The following FAM184B variants were observed in gnomAD, a reference collection of about 807,000 sequenced individuals.
FAM184B encodes the protein protein FAM184B.
FAM184B carries 111 observed loss-of-function variants against 135.9 expected under a neutral mutation model. The observed-to-expected ratio is 0.82, with a 90% CI of 0.70 to 0.96. The LOEUF (loss-of-function observed/expected upper bound fraction) is 0.96, where lower values mean the gene tolerates loss of function less well. Among genes scored for constraint, FAM184B ranks in the 40% least tolerant of loss-of-function variants. The probability of loss-of-function intolerance (pLI) is 0.00; values close to 1 mark genes in which losing one functional copy is unlikely to be tolerated. For missense variants in FAM184B, 1,375 were observed against 1,323.9 expected (o/e 1.04, Z -0.60); for synonymous variants, 552 against 524.8 (o/e 1.05, Z -0.71).
intron 7 of FAM184B, among the ~76,000 whole-genome samples, chr4:17,678,329 G>A (rs139199811): frequency 0.022 from 3,305 of 152,148 alleles, 58 homozygotes; most frequent in Non-Finnish European, 0.033. Flanking sequence ...AAAGTTTCAG[G>A]ATACAAAATT....
intron 8 of FAM184B, 50 bp downstream of exon 8, chr4:17,664,512 C>A: frequency 7.4e-7 from 1 of 1,344,630 alleles, no homozygotes; most frequent in South Asian, 1.3e-5. Flanking sequence ...CCTTCCACAT[C>A]TGAGTCCTCA....
Position 17,675,567 on chromosome 4 carries a change from T to C in FAM184B, c.1597-10908A>G, listed in dbSNP as rs181348372. Among the ~76,000 whole-genome samples, 530 of 152,318 alleles carry C rather than the reference T, an allele frequency of 3.5e-3. 2 individuals are homozygous for C. Among genetic ancestry groups the C allele is most frequent in the African/African-American group, 0.012 (504 of 41,580 alleles). On this transcript the variant is annotated intron_variant, in intron 7 of 17. Transcript: ENST00000265018. ...GAGAGTCAGCCTGTCCTTTGAAGCG[T>C]TGGAGCCAGGCATTGACTTTTACTC...
intron 7 of FAM184B, among the ~76,000 whole-genome samples, chr4:17,685,085 A>G (rs557164918): frequency 6.6e-6 from 1 of 151,856 alleles, no homozygotes; most frequent in East Asian, 1.9e-4. Context: ...GAAAAGATCT[A>G]ATACATGCTG....
chr4:17,768,750 G>A (rs1041921860), intron 1 of FAM184B, among the ~76,000 whole-genome samples: 7 of 151,708 alleles, frequency 4.6e-5, no homozygotes, highest in Admixed American at 3.9e-4. Flanking sequence ...ACAAGATAAG[G>A]GATTTTATCT....
At chr4:17,705,305 T>A in intron 4 of FAM184B, 99 bp from the exon 5 acceptor site, 5 of 876,164 alleles carry the variant, frequency 5.7e-6, no homozygotes, top group Non-Finnish European at 8.7e-6. Flanking sequence ...GTTTATACAC[T>A]GTTTTTACAG....
intron 1 of FAM184B, among the ~76,000 whole-genome samples, chr4:17,749,850 GTTAAGATC>G (rs1718253749): frequency 2.0e-5 from 3 of 152,136 alleles, no homozygotes; most frequent in African/African-American, 7.2e-5. Context: ...TTATTTCATA[GTTAAGATC>G]GTGGTAAGTA....
intron 13 of FAM184B, among the ~76,000 whole-genome samples, chr4:17,641,075 A>G (rs911500975): frequency 2.0e-5 from 3 of 152,170 alleles, no homozygotes; most frequent in African/African-American, 7.2e-5. Context: ...CCGGGACTGC[A>G]GGCATGCACC....
At chr4:17,760,921 A>T (rs1449651119) in intron 1 of FAM184B, among the ~76,000 whole-genome samples, 3 of 152,190 alleles carry the variant, frequency 2.0e-5, no homozygotes, top group Admixed American at 2.0e-4. Context: ...GGTTGCTTCC[A>T]CCTTGAATGG....
At chr4:17,692,508 C>T (rs1322874256) in intron 6 of FAM184B, among the ~76,000 whole-genome samples, 5 of 152,240 alleles carry the variant, frequency 3.3e-5, no homozygotes, top group Admixed American at 1.3e-4. Flanking sequence ...CAGCTCCTTA[C>T]AGTCTCTCCC....
chr4:17,662,367 T>G (rs1715937862), intron 8 of FAM184B, among the ~76,000 whole-genome samples: 1 of 151,798 alleles, frequency 6.6e-6, no homozygotes, highest in Non-Finnish European at 1.5e-5. Context: ...AAATGGAGTC[T>G]TGTTCTGTCA....
At chr4:17,750,238 A>G (rs990593667) in intron 1 of FAM184B, among the ~76,000 whole-genome samples, 2 of 152,210 alleles carry the variant, frequency 1.3e-5, no homozygotes, top group African/African-American at 4.8e-5. Context: ...CTGCTTCACT[A>G]TACTCTCACC....
At chr4:17,750,948 C>T (rs760597497) in intron 1 of FAM184B, among the ~76,000 whole-genome samples, 14 of 152,016 alleles carry the variant, frequency 9.2e-5, no homozygotes, top group African/African-American at 1.9e-4. Flanking sequence ...AACTCAGTCC[C>T]GACCCATAGG....
chr4:17,665,417 C>T (rs1458814008), intron 7 of FAM184B, among the ~76,000 whole-genome samples: 5 of 152,100 alleles, frequency 3.3e-5, no homozygotes. Flanking sequence ...TTGTCATAAC[C>T]ACACTGTCCA....
chr4:17,734,419 T>G (rs1717859664), intron 1 of FAM184B, among the ~76,000 whole-genome samples: 1 of 152,032 alleles, frequency 6.6e-6, no homozygotes, highest in African/African-American at 2.4e-5. Flanking sequence ...AGAAAATTTT[T>G]GCAACCTACT....
At chr4:17,686,528 A>T (rs898097067) in intron 7 of FAM184B, among the ~76,000 whole-genome samples, 2 of 152,202 alleles carry the variant, frequency 1.3e-5, no homozygotes, top group African/African-American at 4.8e-5. Flanking sequence ...AGAGGAGGGG[A>T]TCAGAGCCAG....
intron 1 of FAM184B, among the ~76,000 whole-genome samples, chr4:17,744,565 C>T (rs11947586): frequency 0.028 from 4,313 of 151,752 alleles, 198 homozygotes; most frequent in African/African-American, 0.097. Context: ...CGCAGAGTTG[C>T]TCCTCCCATG....
Position 17,642,064 on chromosome 4 carries a change from G to C in FAM184B, c.2511C>G (p.Asp837Glu). The part of the protein sequence containing the change: ...QHQQEAQKLR[D>E]QRRFLEETQQ... ...CGCGCCGGGTCACCCACCTGCGCTG[G>C]TCTCGGAGCTTCTGCGCCTCCTGCT... The change falls in exon 13 of 18, where the codon GAC becomes GAG. Residue 837 changes from aspartate to glutamate, a missense_variant. By Grantham distance (45) the Asp-to-Glu change is conservative (BLOSUM62 2). Coordinates refer to ENST00000265018, the MANE Select transcript of FAM184B (RefSeq NM_015688.2). The C allele has an allele frequency of 6.5e-7, 1 of 1,530,784 alleles. No homozygotes were observed. Among genetic ancestry groups the C allele is most frequent in the African/African-American group, 1.4e-5 (1 of 72,130 alleles). 94.8% of individuals were successfully genotyped at this position (1,530,784 alleles called of 1,614,324 possible).
At chr4:17,654,144 G>A (rs77585587) in intron 10 of FAM184B, among the ~76,000 whole-genome samples, 9,608 of 151,490 alleles carry the variant, frequency 0.063, 1,047 homozygotes, top group African/African-American at 0.22. Context: ...AAGCCACCAG[G>A]CTTGTGCTAA....
intron 13 of FAM184B, among the ~76,000 whole-genome samples, chr4:17,640,004 A>G (rs1715260430): frequency 6.6e-6 from 1 of 151,112 alleles, no homozygotes; most frequent in Non-Finnish European, 1.5e-5. Flanking sequence ...AATTTTTTGT[A>G]TTTTTAGTAA....
Sources: gnomAD v4.1 joint callset for allele counts (sites outside exome capture counted in the v4.1 genomes callset) on GRCh38, gnomAD v4.1.1 for gene constraint, MANE v1.5 for transcripts, NCBI Gene and HGNC (gene_info 2026-07-23, HGNC 2026-07-21) for gene names.